PHLDB2: variants seen among roughly 807,000 people sequenced by gnomAD.
The protein encoded by PHLDB2 is pleckstrin homology like domain family B member 2.
A neutral mutation model predicts 123.6 loss-of-function variants in PHLDB2; 71 were observed. The ratio of observed to expected loss-of-function variants is 0.57; its 90% CI spans 0.47 to 0.70. PHLDB2 has a LOEUF of 0.70. PHLDB2 is among the 30% of genes least tolerant of loss of function. PHLDB2 has a pLI of 0.00. For synonymous variants in PHLDB2, 547 were observed against 541.6 expected, an observed-to-expected ratio of 1.01 and a Z score of -0.14; for missense variants, 1,446 against 1,519.5, an observed-to-expected ratio of 0.95 and a Z score of 0.80.
At chr3:111,874,572 A>G (rs2065508309) in intron 1 of PHLDB2, among the ~76,000 whole-genome samples, 1 of 152,168 alleles carries the variant, frequency 6.6e-6, no homozygotes, top group African/African-American at 2.4e-5. Context: ...GGATGAGGCT[A>G]GTTGTCCTAG....
At chr3:111,898,182 T>TGTGTG (rs1553747095) in intron 2 of PHLDB2, among the ~76,000 whole-genome samples, 5,396 of 142,526 alleles carry the variant, frequency 0.038, 153 homozygotes, top group East Asian at 0.096. Flanking sequence ...GTGTGTGTGT[T>TGTGTG]TGTGTGTGTG....
chr3:111,794,682 T>C (rs991187242), intron 1 of PHLDB2, among the ~76,000 whole-genome samples: 3 of 152,212 alleles, frequency 2.0e-5, no homozygotes, highest in African/African-American at 7.2e-5. Flanking sequence ...GTGTCCTAAA[T>C]TGCTTTATAA....
chr3:111,909,781 A>G (rs1368359461), intron 2 of PHLDB2, among the ~76,000 whole-genome samples: 1 of 152,204 alleles, frequency 6.6e-6, no homozygotes, highest in African/African-American at 2.4e-5. Flanking sequence ...CCTCCTAAAA[A>G]AAAAAAAAAT....
rs140334616 is a variant in PHLDB2, at chr3:111,864,226, T to C, written c.-15+4650T>C. ...AAGGGGTGTAGCAGTCTTTTCATTATCATCTTTCATCTGGCCATTCTTGTT... is the reference window on the plus strand; with the variant it reads ...AAGGGGTGTAGCAGTCTTTTCATTACCATCTTTCATCTGGCCATTCTTGTT... On this transcript the variant is annotated intron_variant, in intron 1 of 17. Transcript: ENST00000431670. Among the ~76,000 whole-genome samples the C allele has an allele frequency of 1.1e-4, 16 of 152,344 alleles. No individual in the cohort carries two copies. The East Asian group carries it at 2.5e-3, about 24-fold the overall frequency.
At chr3:111,904,540 T>A (rs1481690650) in intron 2 of PHLDB2, among the ~76,000 whole-genome samples, 1 of 152,130 alleles carries the variant, frequency 6.6e-6, no homozygotes, top group African/African-American at 2.4e-5. Context: ...TGAGTGGAGA[T>A]GGAAGTACTG....
Position 111,919,065 on chromosome 3 carries a change from A to G in PHLDB2, c.1720-7A>G, listed in dbSNP as rs367820096. On this transcript the variant is annotated splice_polypyrimidine_tract_variant and splice_region_variant and intron_variant, in intron 3 of 17. Transcript: ENST00000431670. Reference sequence around the variant, plus strand: ...GAATAATCCATTTCTGTGTTGATTAATCGCAGACCCCAGAGGGTATAAGTG... The same window carrying G: ...GAATAATCCATTTCTGTGTTGATTAGTCGCAGACCCCAGAGGGTATAAGTG... The G allele has an allele frequency of 1.9e-5, 31 of 1,613,482 alleles. No homozygotes were observed. Among genetic ancestry groups the G allele is most frequent in the Admixed American group, 6.7e-5 (4 of 60,004 alleles).
At chr3:111,921,638 C>G (rs2068508870) in intron 5 of PHLDB2, among the ~76,000 whole-genome samples, 1 of 139,402 alleles carries the variant, frequency 7.2e-6, no homozygotes, top group Admixed American at 7.7e-5. Flanking sequence ...GAGTCTCACT[C>G]TGTCGCCCAG....
At chr3:111,798,840 C>A (rs550668084) in intron 1 of PHLDB2, among the ~76,000 whole-genome samples, 2 of 152,050 alleles carry the variant, frequency 1.3e-5, no homozygotes, top group South Asian at 4.2e-4. Context: ...CATATGAGGG[C>A]CAGGAAGGTG....
At chr3:111,883,220 G>A (rs2066015183) in intron 1 of PHLDB2, among the ~76,000 whole-genome samples, 1 of 152,148 alleles carries the variant, frequency 6.6e-6, no homozygotes. Context: ...AGTGTTTTAA[G>A]TTAACATTGT....
At chr3:111,956,352 G>A (rs1277483086) in intron 12 of PHLDB2, among the ~76,000 whole-genome samples, 3 of 152,220 alleles carry the variant, frequency 2.0e-5, no homozygotes, top group Non-Finnish European at 2.9e-5. Flanking sequence ...TTTGATCTCA[G>A]TTATTCTAAT....
chr3:111,883,112 T>A (rs1289334281), intron 1 of PHLDB2, among the ~76,000 whole-genome samples: 3 of 152,228 alleles, frequency 2.0e-5, no homozygotes, highest in Non-Finnish European at 4.4e-5. Context: ...CCTTTGCTGA[T>A]AATCTAAGAA....
intron 1 of PHLDB2, among the ~76,000 whole-genome samples, chr3:111,785,185 A>C (rs2060632428): frequency 6.6e-6 from 1 of 152,072 alleles, no homozygotes; most frequent in South Asian, 2.1e-4. Flanking sequence ...TTGTTTGAAC[A>C]TTTCATCACA....
At chr3:111,893,957 T>A (rs910602167) in intron 2 of PHLDB2, among the ~76,000 whole-genome samples, 2 of 148,358 alleles carry the variant, frequency 1.3e-5, no homozygotes, top group African/African-American at 5.0e-5. Context: ...ATGTGCACAT[T>A]GTGCAGGTTA....
intron 1 of PHLDB2, among the ~76,000 whole-genome samples, chr3:111,814,041 C>T (rs2061962118): frequency 6.6e-6 from 1 of 152,162 alleles, no homozygotes; most frequent in South Asian, 2.1e-4. Flanking sequence ...ACATAAGTCT[C>T]CTTCAAATAC....
At chr3:111,800,159 C>T (rs2061326490) in intron 1 of PHLDB2, among the ~76,000 whole-genome samples, 1 of 152,144 alleles carries the variant, frequency 6.6e-6, no homozygotes, top group Non-Finnish European at 1.5e-5. Flanking sequence ...GCATGCACCA[C>T]CATGCCCACC....
intron 2 of PHLDB2, chr3:111,911,761 G>T: frequency 6.6e-7 from 1 of 1,504,408 alleles, no homozygotes; most frequent in South Asian, 1.2e-5. Context: ...TAGTCCTTTT[G>T]ATCAAGCTAT....
intron 1 of PHLDB2, among the ~76,000 whole-genome samples, chr3:111,794,576 T>G (rs2061072457): frequency 6.6e-6 from 1 of 152,190 alleles, no homozygotes; most frequent in East Asian, 1.9e-4. Flanking sequence ...CCATCTTGCT[T>G]CCTGAAGATT....
At chr3:111,897,016 A>G (rs2066910109) in intron 2 of PHLDB2, among the ~76,000 whole-genome samples, 1 of 152,228 alleles carries the variant, frequency 6.6e-6, no homozygotes, top group African/African-American at 2.4e-5. Context: ...GAGCTAGGAT[A>G]TTGACATTGA....
chr3:111,803,336 T>C (rs2061448240), intron 1 of PHLDB2, among the ~76,000 whole-genome samples: 2 of 152,108 alleles, frequency 1.3e-5, no homozygotes, highest in South Asian at 4.1e-4. Flanking sequence ...ACTAACAGGG[T>C]TCTCTGCAAT....
Sources: allele counts gnomAD v4.1 joint callset (sites outside exome capture counted in the v4.1 genomes callset), GRCh38; gene constraint gnomAD v4.1.1; transcripts MANE v1.5; gene names NCBI Gene and HGNC (gene_info 2026-07-23, HGNC 2026-07-21).